SDK1: variants seen among roughly 807,000 people sequenced by gnomAD.
SDK1 encodes the protein protein sidekick-1.
A neutral mutation model predicts 245.5 loss-of-function variants in SDK1; 157 were observed. The ratio of observed to expected loss-of-function variants is 0.64; its 90% confidence interval spans 0.56 to 0.73. The LOEUF is 0.73. SDK1 is among the 30% of genes least tolerant of loss of function. The probability of loss-of-function intolerance (pLI) is 0.00; values close to 1 mark genes in which losing one functional copy is unlikely to be tolerated. For synonymous variants in SDK1, 1,647 were observed against 1,278.5 expected, an observed-to-expected ratio of 1.29 and a Z score of -6.15; for missense variants, 3,583 against 3,002.3, an observed-to-expected ratio of 1.19 and a Z score of -4.52.
intron 4 of SDK1, among the ~76,000 whole-genome samples, chr7:3,721,632 G>A (rs1050554574): frequency 6.6e-6 from 1 of 152,148 alleles, no homozygotes; most frequent in Non-Finnish European, 1.5e-5. Flanking sequence ...CAGCTATGTG[G>A]GTGTCTGGTG....
chr7:3,661,017 A>G (rs913471262), intron 4 of SDK1, among the ~76,000 whole-genome samples: 1 of 152,184 alleles, frequency 6.6e-6, no homozygotes, highest in Non-Finnish European at 1.5e-5. Flanking sequence ...TTTAGAAATT[A>G]CTTATGTGAA....
chr7:3,565,575 A>T (rs1779884917), intron 1 of SDK1, among the ~76,000 whole-genome samples: 1 of 152,206 alleles, frequency 6.6e-6, no homozygotes, highest in Non-Finnish European at 1.5e-5. Flanking sequence ...GAGTACAATG[A>T]CATTACTGTG....
At chr7:3,677,306 G>C (rs375294659) in intron 4 of SDK1, among the ~76,000 whole-genome samples, 5 of 152,186 alleles carry the variant, frequency 3.3e-5, no homozygotes, top group African/African-American at 1.2e-4. Flanking sequence ...TAATATTGTT[G>C]TATTAGTCTG....
At chr7:3,335,712 G>T (rs1780183577) in intron 1 of SDK1, among the ~76,000 whole-genome samples, 1 of 152,088 alleles carries the variant, frequency 6.6e-6, no homozygotes, top group African/African-American at 2.4e-5. Context: ...ATTCACAGAA[G>T]CAAAAATGAA....
chr7:4,245,445 G>A (rs925977439), intron 43 of SDK1, among the ~76,000 whole-genome samples: 6 of 152,134 alleles, frequency 3.9e-5, no homozygotes, highest in South Asian at 2.1e-4. Flanking sequence ...CTTCCTCCAT[G>A]CCTGCAGGCC....
chr7:3,580,695 G>A lies in SDK1; in HGVS notation c.299-38385G>A, dbSNP rs142989576. 3.9e-4 allele frequency among the ~76,000 whole-genome samples: 59 copies of A among 152,218 alleles called. No homozygotes were observed. The South Asian group carries it at 0.01, about 26-fold the overall frequency. ...AAAAACTCTGGAAGATGGGCTGGGC[G>A]TGGTGGCTCACGCCTGTAATCCCAG... On this transcript the variant is annotated intron_variant, in intron 1 of 44. Coordinates refer to ENST00000404826, the MANE Select transcript of SDK1 (RefSeq NM_152744.4).
Position 3,619,203 on chromosome 7 carries a change from A to T in SDK1, c.422A>T (p.Asp141Val). The change falls in exon 2 of 45, where the codon GAT becomes GTT. Residue 141 changes from aspartate (D) to valine (V), a missense_variant. Asp to Val is a radical substitution (Grantham distance 152, BLOSUM62 -3). Coordinates refer to ENST00000404826, the MANE Select transcript of SDK1 (RefSeq NM_152744.4). ...SWPLEFKWMR[D>V]DSELTTYSSE... ...CCTTTGGAGTTCAAGTGGATGCGCG[A>T]TGACAGTGAGCTCACCACCTACAGC... 1 of 1,613,608 alleles carries T rather than the reference A, an allele frequency of 6.2e-7. No individual in the cohort carries two copies. The highest frequency in any genetic ancestry group is 8.5e-7 in the Non-Finnish European group (1 of 1,179,576).
intron 1 of SDK1, among the ~76,000 whole-genome samples, chr7:3,501,031 T>G (rs1439929230): frequency 6.6e-6 from 1 of 152,184 alleles, no homozygotes; most frequent in Non-Finnish European, 1.5e-5. Flanking sequence ...TATTACTGTT[T>G]TGATTTCTAA....
At chr7:4,051,960 A>C in intron 19 of SDK1, 130 bp downstream of exon 19, 1 of 740,324 alleles carries the variant, frequency 1.4e-6, no homozygotes, top group South Asian at 1.9e-5. Flanking sequence ...GCTTGCAGTC[A>C]GCTCACCTAG....
intron 1 of SDK1, among the ~76,000 whole-genome samples, chr7:3,511,209 C>T (rs985154488): frequency 3.3e-5 from 5 of 152,180 alleles, no homozygotes; most frequent in Non-Finnish European, 5.9e-5. Context: ...TTTAGAATTT[C>T]ATATTTTCCT....
At chr7:3,585,301 A>C (rs1412024347) in intron 1 of SDK1, among the ~76,000 whole-genome samples, 1 of 152,202 alleles carries the variant, frequency 6.6e-6, no homozygotes, top group Non-Finnish European at 1.5e-5. Flanking sequence ...CCAGACAAGA[A>C]ATAAAATAAG....
intron 4 of SDK1, among the ~76,000 whole-genome samples, chr7:3,686,650 A>G (rs1784291526): frequency 6.6e-6 from 1 of 152,124 alleles, no homozygotes; most frequent in Non-Finnish European, 1.5e-5. Flanking sequence ...GTGACAGGAC[A>G]CAGCGCACTG....
At chr7:3,591,886 C>A (rs13240514) in intron 1 of SDK1, among the ~76,000 whole-genome samples, 1 of 152,132 alleles carries the variant, frequency 6.6e-6, no homozygotes, top group East Asian at 1.9e-4. Flanking sequence ...ATACAGGGAA[C>A]CTGGGGTGGT....
At position 4,126,092 on chromosome 7, in the gene SDK1, C is replaced by T. The variant is rs553959254; in HGVS notation, c.3824-1289C>T. Among the ~76,000 whole-genome samples the T allele has an allele frequency of 7.6e-4, 116 of 152,312 alleles. 1 individual carries two copies. The highest frequency in any genetic ancestry group is 2.7e-3 in the African/African-American group (112 of 41,570). Reference sequence around the variant, plus strand: ...ATGGGATATGGTGGACTTGAAGTGTCTCTCCTCCTTTTTCAACCATGGGGG... The same window carrying T: ...ATGGGATATGGTGGACTTGAAGTGTTTCTCCTCCTTTTTCAACCATGGGGG... On this transcript the variant is annotated intron_variant, in intron 25 of 44. Coordinates refer to ENST00000404826, the MANE Select transcript of SDK1 (RefSeq NM_152744.4).
intron 1 of SDK1, among the ~76,000 whole-genome samples, chr7:3,478,310 T>TGAGAG (rs1781407588): frequency 6.6e-6 from 1 of 152,080 alleles, no homozygotes; most frequent in South Asian, 2.1e-4. Context: ...GAGTGTTGAC[T>TGAGAG]TATTTTTTGA....
At chr7:3,444,492 A>T (rs1488195213) in intron 1 of SDK1, among the ~76,000 whole-genome samples, 1 of 152,198 alleles carries the variant, frequency 6.6e-6, no homozygotes, top group Non-Finnish European at 1.5e-5. Context: ...TAGTACTAAA[A>T]AGAGGAACTA....
intron 4 of SDK1, among the ~76,000 whole-genome samples, chr7:3,705,616 CTT>C (rs1321351587): frequency 6.6e-6 from 1 of 151,950 alleles, no homozygotes; most frequent in Non-Finnish European, 1.5e-5. Context: ...TGAACTGAAA[CTT>C]TACTAAATTC....
intron 30 of SDK1, among the ~76,000 whole-genome samples, chr7:4,151,822 G>C (rs1405791702): frequency 6.6e-6 from 1 of 152,212 alleles, no homozygotes; most frequent in East Asian, 1.9e-4. Context: ...TAACGCATAT[G>C]CAGGTGCCTT....
chr7:3,492,822 C>T (rs1008106222), intron 1 of SDK1, among the ~76,000 whole-genome samples: 1 of 152,174 alleles, frequency 6.6e-6, no homozygotes, highest in African/African-American at 2.4e-5. Flanking sequence ...GAACAGAGGA[C>T]ATAAGTTGGC....
Sources: gnomAD v4.1 joint callset for allele counts (sites outside exome capture counted in the v4.1 genomes callset) on GRCh38, gnomAD v4.1.1 for gene constraint, MANE v1.5 for transcripts, NCBI Gene and HGNC (gene_info 2026-07-23, HGNC 2026-07-21) for gene names.